The following SLC4A10 variants were observed in gnomAD, a reference collection of about 807,000 sequenced individuals.
The protein encoded by SLC4A10 is solute carrier family 4 member 10, also known as sodium-driven chloride bicarbonate exchanger.
A neutral mutation model predicts 137.7 loss-of-function variants in SLC4A10; 42 were observed. That is an observed-to-expected ratio of 0.30 (90% confidence interval 0.24 to 0.39). The LOEUF is 0.39. Ranked by LOEUF, SLC4A10 falls within the 10% of genes least tolerant of loss-of-function variation. The probability of loss-of-function intolerance (pLI) is 1.00; values close to 1 mark genes in which losing one functional copy is unlikely to be tolerated. For missense variants in SLC4A10, 925 were observed against 1,355.0 expected, an observed-to-expected ratio of 0.68 and a Z score of 4.98; for synonymous variants, 474 against 464.1, an observed-to-expected ratio of 1.02 and a Z score of -0.27.
chr2:161,644,352 C>T (rs569182526), intron 1 of SLC4A10, among the ~76,000 whole-genome samples: 6 of 152,042 alleles, frequency 3.9e-5, no homozygotes, highest in East Asian at 1.9e-4. Context: ...AAAAATTAGC[C>T]GGGCGTGGTG....
chr2:161,891,290 G>A (rs1250045131), intron 10 of SLC4A10, among the ~76,000 whole-genome samples: 1 of 152,116 alleles, frequency 6.6e-6, no homozygotes, highest in South Asian at 2.1e-4. Flanking sequence ...TTCTCTTCTC[G>A]AGGAGTATCT....
chr2:161,632,713 G>T (rs2033781229), intron 1 of SLC4A10, among the ~76,000 whole-genome samples: 2 of 151,404 alleles, frequency 1.3e-5, no homozygotes, highest in South Asian at 2.1e-4. Context: ...CCTTATTTAA[G>T]CCTACAGTCT....
chr2:161,748,191 A>T (rs1168855692), intron 1 of SLC4A10, among the ~76,000 whole-genome samples: 1 of 151,930 alleles, frequency 6.6e-6, no homozygotes, highest in African/African-American at 2.4e-5. Context: ...GAGACATATG[A>T]TTTTCAAATA....
intron 15 of SLC4A10, among the ~76,000 whole-genome samples, chr2:161,936,326 A>G (rs559528457): frequency 8.8e-4 from 134 of 152,132 alleles, no homozygotes; most frequent in Admixed American, 7.1e-3. Flanking sequence ...TCTCTTCTTC[A>G]ATTTTTTGAA....
At chr2:161,631,831 A>C (rs1158892764) in intron 1 of SLC4A10, among the ~76,000 whole-genome samples, 1 of 151,710 alleles carries the variant, frequency 6.6e-6, no homozygotes, top group African/African-American at 2.4e-5. Context: ...TGCTCTCAGA[A>C]GATGAAAATG....
At chr2:161,971,239 T>A (rs1419975323) in intron 23 of SLC4A10, among the ~76,000 whole-genome samples, 1 of 152,236 alleles carries the variant, frequency 6.6e-6, no homozygotes, top group Admixed American at 6.5e-5. Context: ...CTGGAGTAGA[T>A]TTGTTTTTCT....
intron 5 of SLC4A10, among the ~76,000 whole-genome samples, chr2:161,858,469 G>C (rs2060223955): frequency 6.6e-6 from 1 of 152,038 alleles, no homozygotes; most frequent in South Asian, 2.1e-4. Context: ...AAATATATCT[G>C]TTTCCCAATG....
intron 6 of SLC4A10, among the ~76,000 whole-genome samples, chr2:161,867,768 C>T (rs1471256256): frequency 6.6e-6 from 1 of 151,922 alleles, no homozygotes; most frequent in East Asian, 1.9e-4. Context: ...CTTCTTTCTT[C>T]ATGTTTTCTA....
At chr2:161,804,333 C>T in intron 2 of SLC4A10, 116 bp from the exon 3 acceptor site, 13 of 1,151,392 alleles carry the variant, frequency 1.1e-5, no homozygotes, top group Non-Finnish European at 1.6e-5. Flanking sequence ...GTATCATAAA[C>T]ATCAAAAATG....
intron 4 of SLC4A10, among the ~76,000 whole-genome samples, chr2:161,850,339 A>G (rs1258019961): frequency 1.3e-5 from 2 of 152,154 alleles, no homozygotes; most frequent in African/African-American, 4.8e-5. Flanking sequence ...GCAGTGAGTC[A>G]AGATTGTGCC....
At chr2:161,839,705 G>GT (rs1016740378) in intron 3 of SLC4A10, 84 bp from the exon 4 acceptor site, 2 of 1,496,606 alleles carry the variant, frequency 1.3e-6, no homozygotes, top group Middle Eastern at 1.8e-4. Flanking sequence ...GCTTGGGGTG[G>GT]TGCTGAAGGC....
chr2:161,679,331 T>G (rs1263301467), intron 1 of SLC4A10, among the ~76,000 whole-genome samples: 1 of 152,100 alleles, frequency 6.6e-6, no homozygotes, highest in Non-Finnish European at 1.5e-5. Flanking sequence ...GCACAAAATC[T>G]TTTTATTTAG....
At chr2:161,742,172 C>A (rs1355671638) in intron 1 of SLC4A10, among the ~76,000 whole-genome samples, 1 of 152,144 alleles carries the variant, frequency 6.6e-6, no homozygotes, top group East Asian at 1.9e-4. Flanking sequence ...TTTTTTATGG[C>A]TGAATAGTTC....
At chr2:161,804,416 GA>G (rs1256568847) in intron 2 of SLC4A10, 32 bp from the exon 3 acceptor site, 1 of 1,597,750 alleles carries the variant, frequency 6.3e-7, no homozygotes, top group Non-Finnish European at 8.5e-7. Context: ...GAATAATTCA[GA>G]GTTTAATTTG....
At chr2:161,955,645 A>C (rs774292012) in intron 19 of SLC4A10, among the ~76,000 whole-genome samples, 6 of 152,196 alleles carry the variant, frequency 3.9e-5, no homozygotes, top group Non-Finnish European at 7.3e-5. Context: ...AGTACAACTG[A>C]CTTTAAGAAC....
At chr2:161,961,547 CT>C (rs34418446) in intron 21 of SLC4A10, among the ~76,000 whole-genome samples, 44,350 of 137,354 alleles carry the variant, frequency 0.32, 6,764 homozygotes, top group Non-Finnish European at 0.41. Context: ...TTCTTTTTCC[CT>C]TTTTTTTTTT....
chr2:161,634,085 A>G (rs1412148096), intron 1 of SLC4A10, among the ~76,000 whole-genome samples: 1 of 151,844 alleles, frequency 6.6e-6, no homozygotes, highest in Non-Finnish European at 1.5e-5. Context: ...TTTCTGTTCT[A>G]GGATACAATT....
intron 26 of SLC4A10, among the ~76,000 whole-genome samples, chr2:161,980,521 C>A (rs141179454): frequency 1.5e-3 from 221 of 152,178 alleles, no homozygotes; most frequent in African/African-American, 5.2e-3. Flanking sequence ...TGGTAACGCA[C>A]ACCTGTAATC....
intron 10 of SLC4A10, among the ~76,000 whole-genome samples, chr2:161,883,904 C>T (rs1323666996): frequency 9.2e-5 from 14 of 152,142 alleles, no homozygotes; most frequent in Admixed American, 9.2e-4. Context: ...ATAATTTCAT[C>T]TTGAGATACT....
Sources: allele counts gnomAD v4.1 joint callset (sites outside exome capture counted in the v4.1 genomes callset), GRCh38; gene constraint gnomAD v4.1.1; transcripts MANE v1.5; gene names NCBI Gene and HGNC (gene_info 2026-07-23, HGNC 2026-07-21).